Variants in ARSF observed in about 807,000 individuals in gnomAD.
ARSF encodes the protein arylsulfatase F.
In ARSF, 33 loss-of-function variants were observed where a neutral mutation model predicts 35.4. The observed-to-expected ratio is 0.93, with a 90% CI of 0.71 to 1.25. The LOEUF is 1.25. Ranked by LOEUF, ARSF falls within the 50% of genes most tolerant of loss-of-function variation. ARSF has a pLI of 0.00. For synonymous variants in ARSF, 222 were observed against 193.1 expected, an observed-to-expected ratio of 1.15 and a Z score of -1.24; for missense variants, 501 against 480.2, an observed-to-expected ratio of 1.04 and a Z score of -0.40.
intron 9 of ARSF, among the ~76,000 whole-genome samples, chrX:3,109,913 C>T (rs1325738528): frequency 8.9e-6 from 1 of 111,934 alleles, no homozygotes; most frequent in Non-Finnish European, 1.9e-5. Context: ...TCACATTCCT[C>T]GGCCTCATCA....
intron 1 of ARSF, among the ~76,000 whole-genome samples, chrX:3,056,232 A>G (rs1293268705): frequency 1.9e-5 from 2 of 107,881 alleles, no homozygotes; most frequent in African/African-American, 6.8e-5. Flanking sequence ...AGGTGTTGGG[A>G]TTACAGGCGT....
At chrX:3,094,876 T>C (rs1242454819) in intron 7 of ARSF, among the ~76,000 whole-genome samples, 2 of 109,324 alleles carry the variant, frequency 1.8e-5, no homozygotes, top group African/African-American at 6.6e-5. Flanking sequence ...AATATATATA[T>C]TTATATTATT....
At chrX:3,084,939 A>G (rs2090236260) in intron 6 of ARSF, among the ~76,000 whole-genome samples, 1 of 111,849 alleles carries the variant, frequency 8.9e-6, no homozygotes, top group Non-Finnish European at 1.9e-5. Context: ...GTACTCTTAA[A>G]CTATGCACAT....
chrX:3,101,037 A>G, intron 7 of ARSF, 50 bp from the exon 8 acceptor site: 1 of 1,159,231 alleles, frequency 8.6e-7, no homozygotes, highest in Non-Finnish European at 1.2e-6. Context: ...TTAGGGGTGA[A>G]ATACCTCATA....
intron 2 of ARSF, among the ~76,000 whole-genome samples, chrX:3,070,029 G>A (rs1037949742): frequency 1.8e-5 from 2 of 110,903 alleles, no homozygotes; most frequent in East Asian, 2.8e-4. Flanking sequence ...TGTATCCTTC[G>A]ACCAACATCT....
intron 1 of ARSF, among the ~76,000 whole-genome samples, chrX:3,052,829 G>C (rs1453675910): frequency 9.0e-6 from 1 of 111,650 alleles, no homozygotes; most frequent in Non-Finnish European, 1.9e-5. Context: ...ATGTTTTACA[G>C]TTATTGTTAT....
intron 1 of ARSF, among the ~76,000 whole-genome samples, chrX:3,043,734 CTCTA>C (rs760543755): frequency 3.8e-4 from 42 of 111,049 alleles, no homozygotes; most frequent in Non-Finnish European, 5.8e-4. Flanking sequence ...TAGGATGTGC[CTCTA>C]TCTGTGTGTC....
chrX:3,093,125 A>T (rs910210593), intron 7 of ARSF, among the ~76,000 whole-genome samples: 1 of 111,745 alleles, frequency 8.9e-6, no homozygotes, highest in Non-Finnish European at 1.9e-5. Context: ...AGATCGCGCC[A>T]CTGCACTCCA....
At chrX:3,101,566 A>G (rs2090376578) in intron 8 of ARSF, among the ~76,000 whole-genome samples, 2 of 111,536 alleles carry the variant, frequency 1.8e-5, no homozygotes, top group African/African-American at 6.5e-5. Flanking sequence ...GAGAGATTAA[A>G]TGAGGGGGAG....
intron 4 of ARSF, among the ~76,000 whole-genome samples, chrX:3,078,523 AG>A (rs1372019259): frequency 9.0e-6 from 1 of 110,811 alleles, no homozygotes; most frequent in African/African-American, 3.3e-5. Context: ...CTTTTGAGAT[AG>A]GGTCTCCCTT....
At chrX:3,079,001 G>A (rs1430160521) in intron 4 of ARSF, among the ~76,000 whole-genome samples, 3 of 110,396 alleles carry the variant, frequency 2.7e-5, no homozygotes, top group African/African-American at 9.9e-5. Flanking sequence ...AAACATGTCT[G>A]TCCTGGACAT....
Position 3,072,081 on chromosome X carries a change from C to T in ARSF, c.67C>T (p.His23Tyr), listed in dbSNP as rs1413980986. The change falls in exon 3 of 11, where the codon CAC (histidine) becomes TAC (tyrosine). Residue 23 changes from histidine (H) to tyrosine (Y), a missense_variant. His to Tyr is a moderately conservative substitution (Grantham distance 83). Transcript: ENST00000381127. ...VCALLNTCQAHRVHDDKPNIV... is the reference protein window; with the variant it reads ...VCALLNTCQAYRVHDDKPNIV... ...TGCACTCTTGAACACATGCCAGGCACACAGGGTGCATGACGACAAGCCTAA... is the reference window on the plus strand; with the variant it reads ...TGCACTCTTGAACACATGCCAGGCATACAGGGTGCATGACGACAAGCCTAA... 4.2e-6 allele frequency: 5 copies of T among 1,202,691 alleles called. No homozygotes were observed. In the South Asian group the frequency reaches 7.0e-5, roughly 17 times the overall value.
chrX:3,098,511 G>A (rs778182004), intron 7 of ARSF, among the ~76,000 whole-genome samples: 132 of 110,680 alleles, frequency 1.2e-3, no homozygotes, highest in Non-Finnish European at 2.3e-3. Context: ...CCCCCATAGT[G>A]TTCTCATGGT....
At chrX:3,094,154 C>T (rs902757290) in intron 7 of ARSF, among the ~76,000 whole-genome samples, 33 of 111,684 alleles carry the variant, frequency 3.0e-4, no homozygotes, top group African/African-American at 1.0e-3. Flanking sequence ...TCCCCGGAGA[C>T]GAGTATCATC....
At chrX:3,087,350 G>T (rs776813553) in intron 6 of ARSF, among the ~76,000 whole-genome samples, 13 of 111,517 alleles carry the variant, frequency 1.2e-4, no homozygotes, top group Non-Finnish European at 2.4e-4. Flanking sequence ...CTCTAGGGGA[G>T]GATTCTTCCT....
chrX:3,072,160 G>A lies in ARSF; in HGVS notation c.146G>A (p.Gly49Asp). ...GGTATTGGAGATCTGGGCTGCTACGGCAATGACACCATGAGGTAAGGCGGT... is the reference window on the plus strand; with the variant it reads ...GGTATTGGAGATCTGGGCTGCTACGACAATGACACCATGAGGTAAGGCGGT... ...DLGIGDLGCY[G>D]NDTMRTPHID... is the part of the protein sequence containing the mutation. The change falls in exon 3 of 11, where the codon GGC (glycine) becomes GAC (aspartate). Residue 49 changes from glycine (G) to aspartate (D), a missense_variant. Coordinates refer to ENST00000381127, the MANE Select transcript of ARSF (RefSeq NM_001201539.2). 2 of 1,210,765 alleles carry A rather than the reference G, an allele frequency of 1.7e-6. No homozygotes were observed. The highest frequency in any genetic ancestry group is 2.2e-6 in the Non-Finnish European group (2 of 894,878).
At chrX:3,092,060 T>C (rs775020119) in intron 7 of ARSF, among the ~76,000 whole-genome samples, 2 of 110,855 alleles carry the variant, frequency 1.8e-5, no homozygotes, top group African/African-American at 3.3e-5. Flanking sequence ...AAGTACATGA[T>C]ACATATGACA....
chrX:3,055,654 G>A (rs886490741), intron 1 of ARSF, among the ~76,000 whole-genome samples: 3 of 111,633 alleles, frequency 2.7e-5, no homozygotes, highest in African/African-American at 6.5e-5. Flanking sequence ...ACCAAATAAA[G>A]GTGCTGGGAC....
chrX:3,075,439 A>G (rs955519571), intron 3 of ARSF, among the ~76,000 whole-genome samples: 2 of 100,629 alleles, frequency 2.0e-5, no homozygotes, highest in Non-Finnish European at 4.0e-5. Flanking sequence ...CTGTCTCTAC[A>G]TCTCTTTCTA....
Sources: gnomAD v4.1 joint callset for allele counts (sites outside exome capture counted in the v4.1 genomes callset) on GRCh38, gnomAD v4.1.1 for gene constraint, MANE v1.5 for transcripts, NCBI Gene and HGNC (gene_info 2026-07-23, HGNC 2026-07-21) for gene names.